WLS: variants seen among roughly 807,000 people sequenced by gnomAD.
WLS encodes Wnt ligand secretion mediator.
A neutral mutation model predicts 62.8 loss-of-function variants in WLS; 23 were observed. The observed-to-expected ratio is 0.37, with a 90% confidence interval of 0.26 to 0.52. The LOEUF (loss-of-function observed/expected upper bound fraction) is 0.52. Ranked by LOEUF, WLS falls within the 20% of genes least tolerant of loss-of-function variation. The pLI, the probability that WLS is intolerant of heterozygous loss-of-function variation, is 0.92. For synonymous variants in WLS, 246 were observed against 244.1 expected (o/e 1.01, Z -0.07); for missense variants, 615 against 697.3 (o/e 0.88, Z 1.33).
At chr1:68,125,028 AAC>A (rs1177935222), downstream of WLS, among the ~76,000 whole-genome samples, 3 of 152,326 alleles carry the variant, frequency 2.0e-5, no homozygotes, top group Middle Eastern at 3.4e-3. Flanking sequence ...TTCAACAGGA[AAC>A]AGTGTTCCTT....
intron 8 of WLS, 35 bp from the exon 9 acceptor site, chr1:68,146,047 C>A: frequency 6.2e-7 from 1 of 1,608,230 alleles, no homozygotes; most frequent in Non-Finnish European, 8.5e-7. Context: ...AACGGGCTAG[C>A]CAAGGCCAAG....
chr1:68,151,073 A>T (rs866459611), intron 5 of WLS, among the ~76,000 whole-genome samples: 1 of 152,258 alleles, frequency 6.6e-6, no homozygotes, highest in African/African-American at 2.4e-5. Context: ...ATAAAGAGAC[A>T]ACTGAATAGA....
chr1:68,115,118 G>T (rs368779849), intron 11 of WLS, among the ~76,000 whole-genome samples: 5 of 152,324 alleles, frequency 3.3e-5, no homozygotes, highest in African/African-American at 7.2e-5. Context: ...ACCCGGTCAT[G>T]GGTTGCACCT....
At chr1:68,190,116 A>T (rs1184125604) in intron 2 of WLS, among the ~76,000 whole-genome samples, 1 of 152,098 alleles carries the variant, frequency 6.6e-6, no homozygotes, top group Non-Finnish European at 1.5e-5. Flanking sequence ...TCCATATTTT[A>T]CAAGGGAGGA....
intron 2 of WLS, among the ~76,000 whole-genome samples, chr1:68,175,803 G>A (rs533967369): frequency 8.9e-4 from 136 of 152,204 alleles, no homozygotes; most frequent in African/African-American, 3.1e-3. Flanking sequence ...AAATAACACC[G>A]CATACCAGCA....
intron 5 of WLS, among the ~76,000 whole-genome samples, chr1:68,150,822 T>C (rs186711905): frequency 2.0e-5 from 3 of 152,336 alleles, no homozygotes; most frequent in East Asian, 1.9e-4. Context: ...AAATGTAAAT[T>C]CTCTTGACTG....
chr1:68,110,446 A>G (rs1435908672), intron 11 of WLS, among the ~76,000 whole-genome samples: 2 of 134,126 alleles, frequency 1.5e-5, no homozygotes, highest in Non-Finnish European at 3.3e-5. Context: ...AAAAGTCTCA[A>G]TAATTTCAGT....
At chr1:68,140,612 G>A (rs896296723) in intron 10 of WLS, among the ~76,000 whole-genome samples, 4 of 152,174 alleles carry the variant, frequency 2.6e-5, no homozygotes, top group Non-Finnish European at 2.9e-5. Flanking sequence ...CTCCCGTCTC[G>A]TACTTGCTCT....
At chr1:68,104,395 A>C (rs564739447) in intron 11 of WLS, among the ~76,000 whole-genome samples, 13 of 152,314 alleles carry the variant, frequency 8.5e-5, no homozygotes, top group African/African-American at 2.4e-4. Context: ...CCATTAATGC[A>C]GCTGAATATC....
downstream of WLS, among the ~76,000 whole-genome samples, chr1:68,123,743 G>A (rs1156637769): frequency 6.6e-5 from 10 of 152,114 alleles, no homozygotes; most frequent in East Asian, 1.9e-3. Flanking sequence ...CACAGGGACA[G>A]CCACCTGCCT....
At chr1:68,116,123 G>A (rs1179180467) in intron 11 of WLS, among the ~76,000 whole-genome samples, 2 of 152,178 alleles carry the variant, frequency 1.3e-5, no homozygotes, top group Admixed American at 1.3e-4. Flanking sequence ...CATTAATGCT[G>A]AGCTGGAGAA....
In WLS at chr1:68,126,062, C is replaced by G; in HGVS notation, c.*164G>C. 1.4e-6 allele frequency: 2 copies of G among 1,435,852 alleles called. No individual in the cohort carries two copies. Among genetic ancestry groups the G allele is most frequent in the Admixed American group, 2.8e-5 (1 of 35,496 alleles). 88.9% of individuals were successfully genotyped at this position (1,435,852 alleles called of 1,614,324 possible). On this transcript the variant is annotated 3_prime_UTR_variant, in exon 12 of 12. Transcript: ENST00000262348. ...GCAGGAATCTTCCTCCAAAAGCTAC[C>G]GTCAGAAGGCAAACTGACAAATGTC...
chr1:68,124,602 T>C (rs1276467062), downstream of WLS, among the ~76,000 whole-genome samples: 1 of 152,176 alleles, frequency 6.6e-6, no homozygotes, highest in Non-Finnish European at 1.5e-5. Flanking sequence ...CGGCTCCCTT[T>C]GATTCCTGGC....
At chr1:68,219,968 G>C (rs562500685) in intron 1 of WLS, among the ~76,000 whole-genome samples, 71 of 152,202 alleles carry the variant, frequency 4.7e-4, no homozygotes, top group Middle Eastern at 6.8e-3. Flanking sequence ...CAAGCAAAGA[G>C]GGAATAAATC....
At chr1:68,124,490 T>C (rs1052481713), downstream of WLS, among the ~76,000 whole-genome samples, 18 of 152,326 alleles carry the variant, frequency 1.2e-4, no homozygotes, top group African/African-American at 3.6e-4. Flanking sequence ...GGTAAAATCT[T>C]TCTCCTTTAA....
At chr1:68,203,442 A>C (rs1649132338) in intron 1 of WLS, among the ~76,000 whole-genome samples, 1 of 152,262 alleles carries the variant, frequency 6.6e-6, no homozygotes, top group Non-Finnish European at 1.5e-5. Context: ...CAGGCAAGGC[A>C]CTACCAGCAC....
At chr1:68,117,086 C>CCT (rs200931949) in intron 11 of WLS, among the ~76,000 whole-genome samples, 2,755 of 152,156 alleles carry the variant, frequency 0.018, 38 homozygotes, top group African/African-American at 0.022. Flanking sequence ...TCCCTCCCTC[C>CCT]CTCTATCCCT....
chr1:68,132,622 G>A (rs985138536), intron 11 of WLS, among the ~76,000 whole-genome samples: 1 of 152,200 alleles, frequency 6.6e-6, no homozygotes, highest in Non-Finnish European at 1.5e-5. Flanking sequence ...CGCAGAGTGG[G>A]TGCATTAGAC....
chr1:68,215,285 T>C (rs1267262107), intron 1 of WLS, among the ~76,000 whole-genome samples: 1 of 152,088 alleles, frequency 6.6e-6, no homozygotes, highest in Non-Finnish European at 1.5e-5. Flanking sequence ...ACTTTGAAAA[T>C]AGTATATTAA....
Sources: allele counts gnomAD v4.1 joint callset (sites outside exome capture counted in the v4.1 genomes callset), GRCh38; gene constraint gnomAD v4.1.1; transcripts MANE v1.5; gene names NCBI Gene and HGNC (gene_info 2026-07-23, HGNC 2026-07-21).